Variants in TAF3 observed in about 807,000 individuals in gnomAD.
TAF3 encodes TATA-box binding protein associated factor 3.
TAF3 carries 7 observed loss-of-function variants against 80.6 expected under a neutral mutation model. That is an observed-to-expected ratio of 0.09 (90% confidence interval 0.05 to 0.16). The LOEUF is 0.16. Ranked by LOEUF, TAF3 falls within the 10% of genes least tolerant of loss-of-function variation. The pLI, the probability that TAF3 is intolerant of heterozygous loss-of-function variation, is 1.00. For synonymous variants in TAF3, 444 were observed against 446.1 expected (o/e 1.00, Z 0.06); for missense variants, 921 against 1,140.2 (o/e 0.81, Z 2.77).
At chr10:8,007,068 G>C (rs1272755816) in intron 4 of TAF3, among the ~76,000 whole-genome samples, 1 of 152,186 alleles carries the variant, frequency 6.6e-6, no homozygotes, top group Non-Finnish European at 1.5e-5. Context: ...CATTTCTAGG[G>C]ATGGGGCTTG....
At chr10:7,889,067 C>T (rs911705463) in intron 2 of TAF3, among the ~76,000 whole-genome samples, 1 of 152,138 alleles carries the variant, frequency 6.6e-6, no homozygotes, top group Admixed American at 6.5e-5. Context: ...GTTCCCAGTT[C>T]GAATCCACAC....
At position 7,949,289 on chromosome 10, in the gene TAF3, A is replaced by G. The variant is rs560968426; in HGVS notation, c.410-14631A>G. ...TTAATAATAAAGCACAGCCGGAAAT[A>G]AAGAGTGGGCTGCTTAGCACTGTCC... On this transcript the variant is annotated intron_variant, in intron 2 of 6. Transcript: ENST00000344293. 2.6e-5 allele frequency among the ~76,000 whole-genome samples: 4 copies of G among 152,372 alleles called. No individual in the cohort carries two copies. The East Asian group carries it at 7.7e-4, about 29-fold the overall frequency.
chr10:7,979,741 G>T (rs1171669424), intron 4 of TAF3, among the ~76,000 whole-genome samples: 1 of 139,000 alleles, frequency 7.2e-6, no homozygotes, highest in Non-Finnish European at 1.5e-5. Context: ...GAGCGAGAAA[G>T]AAAGAGGACT....
At chr10:7,827,655 C>T (rs1312934790) in intron 2 of TAF3, among the ~76,000 whole-genome samples, 1 of 151,866 alleles carries the variant, frequency 6.6e-6, no homozygotes, top group Non-Finnish European at 1.5e-5. Context: ...TGGCGGGTGC[C>T]TGTAGTCCCA....
chr10:7,830,775 C>T (rs142606377), intron 2 of TAF3, among the ~76,000 whole-genome samples: 61 of 152,250 alleles, frequency 4.0e-4, no homozygotes, highest in Non-Finnish European at 6.3e-4. Flanking sequence ...TGAGCCACCC[C>T]GCCCAACCAT....
At chr10:7,913,027 G>T (rs1486126134) in intron 2 of TAF3, among the ~76,000 whole-genome samples, 2 of 152,188 alleles carry the variant, frequency 1.3e-5, no homozygotes, top group Non-Finnish European at 2.9e-5. Flanking sequence ...TTTCCCCTGA[G>T]ACCTCTTTCC....
intron 2 of TAF3, among the ~76,000 whole-genome samples, chr10:7,909,911 C>G (rs1016118983): frequency 6.6e-6 from 1 of 152,118 alleles, no homozygotes; most frequent in African/African-American, 2.4e-5. Context: ...ATACCCAGCT[C>G]CACGACTGCT....
rs61833219 is a variant in TAF3 at position 7,851,196 on chromosome 10, A to G, written c.409+26636A>G. 4.9e-3 allele frequency among the ~76,000 whole-genome samples: 749 copies of G among 152,368 alleles called. 4 individuals are homozygous for G. The highest frequency in any genetic ancestry group is 8.2e-3 in the Non-Finnish European group (556 of 68,034). On this transcript the variant is annotated intron_variant, in intron 2 of 6. Coordinates refer to ENST00000344293, the MANE Select transcript of TAF3 (RefSeq NM_031923.4). ...AGTTGCAATTAAAAATATGCTAGTC[A>G]GGGGAACTAGTGAGAAAGCAACATT...
At chr10:7,982,263 G>A (rs1376826607) in intron 4 of TAF3, among the ~76,000 whole-genome samples, 9 of 151,728 alleles carry the variant, frequency 5.9e-5, no homozygotes, top group Non-Finnish European at 8.8e-5. Context: ...TAGTACAGTC[G>A]GAAATAGAAA....
At position 7,842,232 on chromosome 10, in the gene TAF3, G is replaced by A. The variant is rs141789851; in HGVS notation, c.409+17672G>A. Among the ~76,000 whole-genome samples, 501 of 131,746 alleles carry A rather than the reference G, an allele frequency of 3.8e-3. 3 individuals carry two copies. The highest frequency in any genetic ancestry group is 0.014 in the African/African-American group (472 of 34,212). 86.4% of individuals were successfully genotyped at this position (131,746 alleles called of 152,430 possible). A position where few individuals can be genotyped will look rare whatever the true frequency, so the allele number is the denominator to read the frequency against. ...TCTGTCACCCAGGCTGAAGTGCTGT[G>A]GCACGATCGTAGTTCACTCCAACCT... is the stretch of plus-strand genomic sequence containing the variant. On this transcript the variant is annotated intron_variant, in intron 2 of 6. Transcript: ENST00000344293.
chr10:8,005,836 G>A (rs1751956342), intron 4 of TAF3, among the ~76,000 whole-genome samples: 1 of 152,142 alleles, frequency 6.6e-6, no homozygotes, highest in South Asian at 2.1e-4. Context: ...TTTATGTAAG[G>A]CAAACCTCAG....
Position 7,857,403 on chromosome 10 carries a change from G to A in TAF3, c.409+32843G>A, listed in dbSNP as rs551424695. Among the ~76,000 whole-genome samples, 3 of 152,304 alleles carry A rather than the reference G, an allele frequency of 2.0e-5. No homozygotes were observed. In the South Asian group the frequency reaches 6.2e-4, roughly 32 times the overall value. ...CACTGCCCCCTTAAACAGTCTGTCC[G>A]GGAGAAAGTTCTCTGGAGCTGGAGG... On this transcript the variant is annotated intron_variant, in intron 2 of 6. Transcript: ENST00000344293.
intron 2 of TAF3, among the ~76,000 whole-genome samples, chr10:7,861,199 C>CAG (rs1357179524): frequency 1.3e-5 from 2 of 152,068 alleles, no homozygotes; most frequent in African/African-American, 4.8e-5. Context: ...CTCCTGACCT[C>CAG]GTGATCCGCC....
intron 2 of TAF3, among the ~76,000 whole-genome samples, chr10:7,940,714 G>A (rs1588559676): frequency 6.6e-6 from 1 of 152,196 alleles, no homozygotes; most frequent in African/African-American, 2.4e-5. Context: ...TAGCACTTTG[G>A]GAGGCTGAGA....
intron 3 of TAF3, among the ~76,000 whole-genome samples, chr10:7,969,773 A>G (rs1448243554): frequency 6.6e-6 from 1 of 152,178 alleles, no homozygotes; most frequent in Non-Finnish European, 1.5e-5. Flanking sequence ...CCATCTGTAG[A>G]TAAGTAAGTC....
intron 2 of TAF3, among the ~76,000 whole-genome samples, chr10:7,943,988 G>T (rs1159568842): frequency 6.6e-6 from 1 of 151,910 alleles, no homozygotes; most frequent in East Asian, 1.9e-4. Flanking sequence ...GGGTTTTCTT[G>T]TTCTTTCTGC....
rs556431588 is a variant in TAF3, at chr10:7,843,335, C to T, written c.409+18775C>T. 1.1e-4 allele frequency among the ~76,000 whole-genome samples: 16 copies of T among 151,854 alleles called. No homozygotes were observed. In the East Asian group the frequency reaches 3.1e-3, roughly 29 times the overall value. On this transcript the variant is annotated intron_variant, in intron 2 of 6. Transcript: ENST00000344293. ...TGTTGCCTAGACTGGTCTTGAACTC[C>T]TGGGCTCAAGCGATCCTCCCCACTC...
At chr10:7,876,673 A>G (rs903793266) in intron 2 of TAF3, among the ~76,000 whole-genome samples, 1 of 152,212 alleles carries the variant, frequency 6.6e-6, no homozygotes, top group Non-Finnish European at 1.5e-5. Context: ...ACTTGAAAAT[A>G]CAGCTATATT....
At chr10:7,971,120 G>A (rs937592080) in intron 3 of TAF3, among the ~76,000 whole-genome samples, 20 of 152,234 alleles carry the variant, frequency 1.3e-4, no homozygotes, top group African/African-American at 4.3e-4. Context: ...GAGCACGGAC[G>A]GGAAAGCTCA....
Sources: gnomAD v4.1 joint callset for allele counts (sites outside exome capture counted in the v4.1 genomes callset) on GRCh38, gnomAD v4.1.1 for gene constraint, MANE v1.5 for transcripts, NCBI Gene and HGNC (gene_info 2026-07-23, HGNC 2026-07-21) for gene names.